The following SEC24A variants were observed in gnomAD, a reference collection of about 807,000 sequenced individuals.
SEC24A encodes SEC24 homolog A, COPII component.
Under a neutral mutation model 129.4 loss-of-function variants are expected in SEC24A, and 93 were observed. The observed-to-expected ratio is 0.72, with a 90% CI of 0.61 to 0.85. SEC24A has a LOEUF of 0.85. Ranked by LOEUF, SEC24A falls within the 40% of genes least tolerant of loss-of-function variation. The pLI is 0.00. For missense variants in SEC24A, 1,264 were observed against 1,307.4 expected (o/e 0.97, Z 0.51); for synonymous variants, 460 against 467.3 (o/e 0.98, Z 0.20).
In SEC24A at chr5:134,693,653, T is replaced by C. The variant is rs565996247; in HGVS notation, c.1780-74T>C. 9.7e-6 allele frequency: 15 copies of C among 1,548,550 alleles called. 1 individual carries two copies. In the South Asian group the frequency reaches 1.9e-4, roughly 19 times the overall value. ...CATCATGACTCAATGTCTTGTCTAT[T>C]GTATGAGATACTGACTTAATGTGAA... On this transcript the variant is annotated intron_variant, in intron 12 of 22. Coordinates refer to ENST00000398844, the MANE Select transcript of SEC24A (RefSeq NM_021982.3).
In SEC24A at chr5:134,725,966, A is replaced by G. The variant is rs771952630; in HGVS notation, c.*872A>G. The G allele has an allele frequency of 6.6e-6, 1 of 152,194 alleles. No individual in the cohort carries two copies. Among genetic ancestry groups the G allele is most frequent in the Non-Finnish European group, 1.5e-5 (1 of 67,954 alleles). 9.4% of individuals were successfully genotyped at this position (152,194 alleles called of 1,614,324 possible). On this transcript the variant is annotated 3_prime_UTR_variant, in exon 23 of 23. Coordinates refer to ENST00000398844, the MANE Select transcript of SEC24A (RefSeq NM_021982.3). ...AATAAAAGTGGGGGTTTTTGGTGAA[A>G]TGAGTGAAGAAATGAAAGGTTTCTA...
intron 1 of SEC24A, among the ~76,000 whole-genome samples, chr5:134,657,863 C>T (rs1750300564): frequency 2.0e-5 from 3 of 152,164 alleles, no homozygotes; most frequent in African/African-American, 7.2e-5. Flanking sequence ...AAGATCAAGC[C>T]AACATGCCTG....
intron 7 of SEC24A, among the ~76,000 whole-genome samples, chr5:134,678,871 C>T (rs1036767070): frequency 3.0e-4 from 45 of 151,934 alleles, no homozygotes; most frequent in African/African-American, 9.2e-4. Flanking sequence ...TGAGCCACCA[C>T]GCCCAGCCTA....
intron 17 of SEC24A, among the ~76,000 whole-genome samples, chr5:134,706,593 G>A (rs1752167235): frequency 6.6e-6 from 1 of 152,064 alleles, no homozygotes; most frequent in Non-Finnish European, 1.5e-5. Context: ...TTTACCTCCT[G>A]GGCTCAAGGG....
At position 134,676,095 on chromosome 5, in the gene SEC24A, GCTGCTGCTTCATC is replaced by G; in HGVS notation, c.1227_1239del (p.Leu410SerfsTer4). 1 of 1,612,522 alleles carries G rather than the reference GCTGCTGCTTCATC, an allele frequency of 6.2e-7. No homozygotes were observed. The highest frequency in any genetic ancestry group is 8.5e-7 in the Non-Finnish European group (1 of 1,179,292). On this transcript the variant is annotated frameshift_variant, in exon 7 of 23. Coordinates refer to ENST00000398844, the MANE Select transcript of SEC24A (RefSeq NM_021982.3). LOFTEE classifies it high-confidence loss of function. ...TGAATAAAGCCAAACTTCCTTTGGGGCTGCTGCTTCATCCTTTCAAAGACTTAGTGGTATGTTT... is the reference window on the plus strand; with the variant it reads ...TGAATAAAGCCAAACTTCCTTTGGGGCTTTCAAAGACTTAGTGGTATGTTT...
chr5:134,678,850 G>A (rs1751161797), intron 7 of SEC24A, among the ~76,000 whole-genome samples: 1 of 151,872 alleles, frequency 6.6e-6, no homozygotes, highest in Admixed American at 6.6e-5. Context: ...AAAGTGCTGG[G>A]ATTACAGGCA....
chr5:134,711,109 C>G (rs1211137445), intron 18 of SEC24A, among the ~76,000 whole-genome samples: 1 of 152,028 alleles, frequency 6.6e-6, no homozygotes, highest in Non-Finnish European at 1.5e-5. Flanking sequence ...GCCCTCCAGC[C>G]TGGGTGACAA....
chr5:134,708,807 C>G lies in SEC24A; in HGVS notation c.2646C>G (p.Val882=), dbSNP rs769338100. Residue 882 remains valine (V), a synonymous_variant, in exon 18 of 23, where the codon GTC becomes GTG. Coordinates refer to ENST00000398844, the MANE Select transcript of SEC24A (RefSeq NM_021982.3). ...CCCTTTCAGCTTACCGTTCTTCAGT[C>G]TTAAGTAACCAGCAGCCTGGACTCA... ...IDSLSAYRSS[V]LSNQQPGLMV... 6 of 1,614,162 alleles carry G rather than the reference C, an allele frequency of 3.7e-6. No individual in the cohort carries two copies. The East Asian group carries it at 1.1e-4, about 30-fold the overall frequency.
intron 1 of SEC24A, among the ~76,000 whole-genome samples, chr5:134,655,800 T>C (rs1292092113): frequency 6.6e-6 from 1 of 152,182 alleles, no homozygotes; most frequent in African/African-American, 2.4e-5. Context: ...ACAATTGCTT[T>C]CTTTGGTTTC....
intron 11 of SEC24A, among the ~76,000 whole-genome samples, chr5:134,690,581 T>C (rs931346736): frequency 6.6e-6 from 1 of 151,890 alleles, no homozygotes; most frequent in African/African-American, 2.4e-5. Flanking sequence ...TCCCAAAGTG[T>C]TGAGAGTATA....
At chr5:134,674,914 C>G in intron 5 of SEC24A, 131 bp from the exon 6 acceptor site, 1 of 1,128,322 alleles carries the variant, frequency 8.9e-7, no homozygotes, top group South Asian at 1.8e-5. Context: ...AAGCCTTTGT[C>G]TTTATACATT....
At chr5:134,695,862 G>A (rs1319699130) in intron 13 of SEC24A, among the ~76,000 whole-genome samples, 1 of 149,546 alleles carries the variant, frequency 6.7e-6, no homozygotes, top group East Asian at 2.0e-4. Flanking sequence ...GCTGAGGCAT[G>A]AGAATTGCTT....
At position 134,674,839 on chromosome 5, in the gene SEC24A, G is replaced by T. The variant is rs571936807; in HGVS notation, c.978+64G>T. On this transcript the variant is annotated intron_variant, in intron 5 of 22. Coordinates refer to ENST00000398844, the MANE Select transcript of SEC24A (RefSeq NM_021982.3). The stretch of plus-strand genomic sequence containing the variant: ...TTGGTTTAAACTGTATACACATGAA[G>T]AAAGTTTTAGGAAGGTATATTATAC... 4.2e-6 allele frequency: 6 copies of T among 1,420,002 alleles called. No homozygotes were observed. The African/African-American group carries it at 5.7e-5, about 14-fold the overall frequency. The allele number at this position is 1,420,002 out of a possible 1,614,324, so 88.0% of individuals were successfully genotyped here.
intron 2 of SEC24A, among the ~76,000 whole-genome samples, chr5:134,663,352 C>G (rs1750540925): frequency 6.6e-6 from 1 of 152,156 alleles, no homozygotes; most frequent in African/African-American, 2.4e-5. Context: ...TGACCTCAAG[C>G]CATCCTGCTG....
intron 16 of SEC24A, among the ~76,000 whole-genome samples, 161 bp downstream of exon 16, chr5:134,704,093 C>CA (rs1198104818): frequency 2.0e-5 from 3 of 151,228 alleles, no homozygotes; most frequent in Non-Finnish European, 2.9e-5. Context: ...TATGTAGAGA[C>CA]AGAGTCTCAC....
chr5:134,655,752 C>T (rs1402859680), intron 1 of SEC24A, among the ~76,000 whole-genome samples: 4 of 152,136 alleles, frequency 2.6e-5, no homozygotes, highest in African/African-American at 9.7e-5. Context: ...ATTTTCCGAG[C>T]TGCATTTGAT....
chr5:134,671,995 T>TGTA, intron 4 of SEC24A, 109 bp downstream of exon 4: 1 of 694,544 alleles, frequency 1.4e-6, no homozygotes, highest in South Asian at 1.8e-5. Context: ...TTCATAATCA[T>TGTA]GTAGCCATAC....
chr5:134,678,872 G>A (rs895587537), intron 7 of SEC24A, among the ~76,000 whole-genome samples: 5 of 151,494 alleles, frequency 3.3e-5, no homozygotes, highest in African/African-American at 7.3e-5. Context: ...GAGCCACCAC[G>A]CCCAGCCTAT....
chr5:134,649,211 G>A (rs895816438), intron 1 of SEC24A, 38 bp downstream of exon 1: 4 of 1,465,860 alleles, frequency 2.7e-6, no homozygotes, highest in South Asian at 1.2e-5. Flanking sequence ...GCCTGGCCAG[G>A]GCTGACTGAC....
Sources: allele counts gnomAD v4.1 joint callset (sites outside exome capture counted in the v4.1 genomes callset), GRCh38; gene constraint gnomAD v4.1.1; transcripts MANE v1.5; gene names NCBI Gene and HGNC (gene_info 2026-07-23, HGNC 2026-07-21).